GALNT18: variants seen among roughly 807,000 people sequenced by gnomAD.
GALNT18 encodes GalNAc-transferase 18.
Under a neutral mutation model 69.5 loss-of-function variants are expected in GALNT18, and 44 were observed. The ratio of observed to expected loss-of-function variants is 0.63; its 90% CI spans 0.50 to 0.81. The LOEUF (loss-of-function observed/expected upper bound fraction) is 0.81. Among genes scored for constraint, GALNT18 ranks in the 40% least tolerant of loss-of-function variants. GALNT18 has a pLI of 0.00. For synonymous variants in GALNT18, 364 were observed against 318.2 expected (o/e 1.14, Z -1.53); for missense variants, 715 against 810.0 (o/e 0.88, Z 1.42).
In GALNT18 at chr11:11,308,942, T is replaced by C. The variant is rs146326778; in HGVS notation, c.1513-15749A>G. On this transcript the variant is annotated intron_variant, in intron 9 of 10. Transcript: ENST00000227756. ...TTAGTGCCCCAAACTACTTTACCTC[T>C]GAAGTCTAATACTCCATTGCCCTAC... Among the ~76,000 whole-genome samples, 170 of 152,148 alleles carry C rather than the reference T, an allele frequency of 1.1e-3. 1 individual carries two copies. The highest frequency in any genetic ancestry group is 4.0e-3 in the African/African-American group (165 of 41,520).
In GALNT18 at chr11:11,439,800, G is replaced by C. The variant is rs1249645976; in HGVS notation, c.429-7013C>G. ...ATTCTACCATGACCTGATGGGAATG[G>C]AATCACTGAGTTGTACATTTACTCC... On this transcript the variant is annotated intron_variant, in intron 2 of 10. Coordinates refer to ENST00000227756, the MANE Select transcript of GALNT18 (RefSeq NM_198516.3). The surrounding 1 kb of genome is among the most constrained non-coding windows in gnomAD (Gnocchi z 4.4). Among the ~76,000 whole-genome samples, 16 of 152,160 alleles carry C rather than the reference G, an allele frequency of 1.1e-4. No homozygotes were observed. Among genetic ancestry groups the C allele is most frequent in the Admixed American group, 1.0e-3 (16 of 15,278 alleles).
At chr11:11,434,225 C>G (rs1855345298) in intron 2 of GALNT18, among the ~76,000 whole-genome samples, 1 of 152,178 alleles carries the variant, frequency 6.6e-6, no homozygotes, top group African/African-American at 2.4e-5. Flanking sequence ...CTCTCCTTCT[C>G]TCTCGCCAGA....
intron 1 of GALNT18, among the ~76,000 whole-genome samples, chr11:11,532,293 C>G (rs753060141): frequency 6.6e-6 from 1 of 152,170 alleles, no homozygotes; most frequent in Non-Finnish European, 1.5e-5. Context: ...GATTTTACAA[C>G]CATTTCTCCA....
At chr11:11,368,770 A>C (rs1850830470) in intron 6 of GALNT18, among the ~76,000 whole-genome samples, 1 of 152,206 alleles carries the variant, frequency 6.6e-6, no homozygotes, top group African/African-American at 2.4e-5. Context: ...TATATAATAT[A>C]ACCTACTTTA....
chr11:11,283,498 C>G (rs1191272155), intron 10 of GALNT18, among the ~76,000 whole-genome samples: 1 of 152,158 alleles, frequency 6.6e-6, no homozygotes, highest in Non-Finnish European at 1.5e-5. Context: ...AACCAGGTCA[C>G]TCTGGGTGGT....
chr11:11,395,458 C>T (rs1300254066), intron 3 of GALNT18, among the ~76,000 whole-genome samples: 2 of 152,226 alleles, frequency 1.3e-5, no homozygotes, highest in African/African-American at 4.8e-5. Flanking sequence ...CCCACATTTG[C>T]TCATTTAGTC....
At chr11:11,378,733 C>A (rs568017915) in intron 4 of GALNT18, among the ~76,000 whole-genome samples, 302 of 152,318 alleles carry the variant, frequency 2.0e-3, no homozygotes, top group African/African-American at 6.8e-3. Context: ...GCTCTCCTTT[C>A]CTAGGTGTGG....
At chr11:11,549,586 C>T (rs186085554) in intron 1 of GALNT18, among the ~76,000 whole-genome samples, 12 of 152,346 alleles carry the variant, frequency 7.9e-5, no homozygotes, top group African/African-American at 2.9e-4. Context: ...CTGCTCCACC[C>T]TTCTATCTGG....
At chr11:11,536,381 G>T (rs1050648092) in intron 1 of GALNT18, among the ~76,000 whole-genome samples, 3 of 152,108 alleles carry the variant, frequency 2.0e-5, no homozygotes, top group African/African-American at 7.2e-5. Flanking sequence ...GTTCAACTAG[G>T]TCTGTCTGCT....
intron 3 of GALNT18, among the ~76,000 whole-genome samples, chr11:11,425,386 G>A (rs1473355292): frequency 6.6e-6 from 1 of 152,214 alleles, no homozygotes; most frequent in Non-Finnish European, 1.5e-5. Flanking sequence ...GTGATGGGCT[G>A]GATTCAGGTT....
intron 1 of GALNT18, among the ~76,000 whole-genome samples, chr11:11,575,961 G>A (rs1276424857): frequency 1.4e-4 from 22 of 152,200 alleles, no homozygotes; most frequent in Admixed American, 1.3e-3. Context: ...TCACTGCTGG[G>A]GAGGGGAGGT....
intron 6 of GALNT18, among the ~76,000 whole-genome samples, chr11:11,350,626 GC>G (rs1296277986): frequency 7.2e-5 from 11 of 152,274 alleles, no homozygotes; most frequent in East Asian, 3.9e-4. Context: ...ATATTTCCCT[GC>G]ACCCCTTGCA....
chr11:11,519,440 G>A (rs143858694), intron 1 of GALNT18, among the ~76,000 whole-genome samples: 9 of 152,228 alleles, frequency 5.9e-5, no homozygotes, highest in East Asian at 5.8e-4. Context: ...CCACGGCCAC[G>A]CCCACCTGTG....
chr11:11,348,002 C>T (rs904711776), intron 6 of GALNT18, among the ~76,000 whole-genome samples: 39 of 152,116 alleles, frequency 2.6e-4, no homozygotes, highest in Admixed American at 2.0e-4. Context: ...GGGCAGGACA[C>T]TGACACTCCA....
chr11:11,605,042 T>C lies in GALNT18; in HGVS notation c.235+16317A>G, dbSNP rs372390017. ...TCTTCCACGCTACTGCCTAAATGAC[T>C]CTTCTCAAATTGAAAATATCAGAGA... On this transcript the variant is annotated intron_variant, in intron 1 of 10. Transcript: ENST00000227756. This position sits in a 1 kb window ranked among gnomAD's most constrained non-coding sequence, Gnocchi z 4.7. Among the ~76,000 whole-genome samples, 29 of 152,286 alleles carry C rather than the reference T, an allele frequency of 1.9e-4. No homozygotes were observed. Among genetic ancestry groups the C allele is most frequent in the East Asian group, 1.2e-3 (6 of 5,182 alleles).
rs566095529 is a variant in GALNT18 at position 11,372,068 on chromosome 11, G to A, written c.1092+447C>T. 6.6e-6 allele frequency among the ~76,000 whole-genome samples: 1 copy of A among 152,238 alleles called. No individual in the cohort carries two copies. The highest frequency in any genetic ancestry group is 2.4e-5 in the African/African-American group (1 of 41,556). ...TATACACCCTGAGTTTATTTCTCTGGGCTATCTCTTAACAAAGTCTTTGGG... is the reference window on the plus strand; with the variant it reads ...TATACACCCTGAGTTTATTTCTCTGAGCTATCTCTTAACAAAGTCTTTGGG... On this transcript the variant is annotated intron_variant, in intron 6 of 10. Coordinates refer to ENST00000227756, the MANE Select transcript of GALNT18 (RefSeq NM_198516.3). The surrounding 1 kb of genome is among the most constrained non-coding windows in gnomAD (Gnocchi z 4.9).
chr11:11,515,419 G>A (rs890165774), intron 1 of GALNT18, among the ~76,000 whole-genome samples: 2 of 152,204 alleles, frequency 1.3e-5, no homozygotes, highest in African/African-American at 2.4e-5. Context: ...GCAGACACAG[G>A]TTGGAACCTA....
At chr11:11,311,028 G>A (rs1849663863) in intron 9 of GALNT18, among the ~76,000 whole-genome samples, 1 of 152,098 alleles carries the variant, frequency 6.6e-6, no homozygotes, top group Non-Finnish European at 1.5e-5. Flanking sequence ...GCCAGGAGTG[G>A]TACCACCTCC....
At chr11:11,574,787 A>G (rs7935223) in intron 1 of GALNT18, among the ~76,000 whole-genome samples, 1 of 152,136 alleles carries the variant, frequency 6.6e-6, no homozygotes, top group Non-Finnish European at 1.5e-5. Flanking sequence ...CCAGCAAAGG[A>G]GTCGTATTAG....
Sources: allele counts gnomAD v4.1 joint callset (sites outside exome capture counted in the v4.1 genomes callset), GRCh38; gene constraint gnomAD v4.1.1; non-coding constraint Gnocchi (gnomAD v3.1); transcripts MANE v1.5; gene names NCBI Gene and HGNC (gene_info 2026-07-23, HGNC 2026-07-21).